Variants in PRUNE2 observed in about 807,000 individuals in gnomAD.
PRUNE2 encodes the protein prune homolog 2 with BCH domain, also known as protein prune homolog 2.
Under a neutral mutation model 252.0 loss-of-function variants are expected in PRUNE2, and 164 were observed. The observed-to-expected ratio is 0.65, with a 90% CI of 0.57 to 0.74. PRUNE2 has a LOEUF of 0.74. PRUNE2 is among the 30% of genes least tolerant of loss of function. The probability of loss-of-function intolerance (pLI) is 0.00; values close to 1 mark genes in which losing one functional copy is unlikely to be tolerated. For synonymous variants in PRUNE2, 1,292 were observed against 1,350.2 expected (o/e 0.96, Z 0.94); for missense variants, 3,495 against 3,711.0 (o/e 0.94, Z 1.51).
intron 9 of PRUNE2, chr9:76,687,639 C>T (rs755201269): frequency 1.2e-5 from 5 of 425,318 alleles, no homozygotes; most frequent in Admixed American, 1.0e-4. Flanking sequence ...GTTTGTTTCT[C>T]AGGCCATTCA....
At chr9:76,851,384 A>G (rs1260937836) in intron 2 of PRUNE2, among the ~76,000 whole-genome samples, 1 of 152,130 alleles carries the variant, frequency 6.6e-6, no homozygotes, top group African/African-American at 2.4e-5. Context: ...CATCTCTACT[A>G]AAAATACAAA....
chr9:76,815,263 A>G (rs1233105457), intron 6 of PRUNE2, among the ~76,000 whole-genome samples: 2 of 152,262 alleles, frequency 1.3e-5, no homozygotes, highest in African/African-American at 4.8e-5. Flanking sequence ...TAACTTCATG[A>G]TGGCTAAACC....
intron 6 of PRUNE2, among the ~76,000 whole-genome samples, chr9:76,766,655 A>G (rs556635181): frequency 1.2e-4 from 18 of 152,062 alleles, no homozygotes; most frequent in South Asian, 2.1e-4. Flanking sequence ...CTTCCCCCCA[A>G]TCACAGAGGT....
At chr9:76,764,995 A>G (rs1335740412) in intron 6 of PRUNE2, among the ~76,000 whole-genome samples, 1 of 152,228 alleles carries the variant, frequency 6.6e-6, no homozygotes, top group Non-Finnish European at 1.5e-5. Flanking sequence ...GAAAAAGTCA[A>G]AGGTTCTGTT....
chr9:76,614,101 G>C lies in PRUNE2; in HGVS notation c.*469C>G, dbSNP rs1191517985. ...GTGTGGTTTGTGGCTGTCCTAGTCA[G>C]GCTTAGGATTTTAAAGGTGGAGTCA... On this transcript the variant is annotated 3_prime_UTR_variant, in exon 19 of 19. Coordinates refer to ENST00000376718, the MANE Select transcript of PRUNE2 (RefSeq NM_015225.3). The C allele has an allele frequency of 6.3e-6, 1 of 157,780 alleles. No homozygotes were observed. The highest frequency in any genetic ancestry group is 2.4e-5 in the African/African-American group (1 of 41,480). The allele number at this position is 157,780 out of a possible 1,614,324, so 9.8% of individuals were successfully genotyped here.
chr9:76,754,186 C>G (rs2050895187), intron 6 of PRUNE2, among the ~76,000 whole-genome samples: 1 of 152,052 alleles, frequency 6.6e-6, no homozygotes, highest in African/African-American at 2.4e-5. Context: ...GAAAAGGATG[C>G]ACATGTGAGT....
At position 76,630,716 on chromosome 9, in the gene PRUNE2, C is replaced by T. The variant is rs111739255; in HGVS notation, c.9051-1426G>A. Among the ~76,000 whole-genome samples the T allele has an allele frequency of 1.2e-4, 18 of 152,070 alleles. 1 individual carries two copies. The highest frequency in any genetic ancestry group is 4.4e-5 in the Non-Finnish European group (3 of 68,016). On this transcript the variant is annotated intron_variant, in intron 15 of 18. Coordinates refer to ENST00000376718, the MANE Select transcript of PRUNE2 (RefSeq NM_015225.3). ...ATTTTTTGTATTTTTTTAGTAGAGA[C>T]AGGGTTTCACTGTGTTAGCCAGGAT... is the stretch of plus-strand genomic sequence containing the variant.
rs766410792 is a variant in PRUNE2, at chr9:76,710,406, G to A, written c.1868C>T (p.Thr623Ile). 1.1e-5 allele frequency: 18 copies of A among 1,613,874 alleles called. No homozygotes were observed. The South Asian group carries it at 1.8e-4, about 16-fold the overall frequency. Reference sequence around the variant, plus strand: ...TGTATAGAGTGAGGCTGGTTCTTCAGTGGATGGCGAGCTTTCTACTAAACT... The same window carrying A: ...TGTATAGAGTGAGGCTGGTTCTTCAATGGATGGCGAGCTTTCTACTAAACT... Reference protein sequence around the residue: ...MNSLVESSPSTEEPASLYTED... With the variant: ...MNSLVESSPSIEEPASLYTED... Residue 623 changes from threonine to isoleucine, a missense_variant, in exon 8 of 19, where the codon ACT becomes ATT. Transcript: ENST00000376718.
intron 6 of PRUNE2, among the ~76,000 whole-genome samples, chr9:76,805,224 G>A (rs143335791): frequency 6.6e-6 from 1 of 152,180 alleles, no homozygotes; most frequent in Non-Finnish European, 1.5e-5. Context: ...TGCAAGTGAG[G>A]CCACCCTGCA....
intron 9 of PRUNE2, among the ~76,000 whole-genome samples, chr9:76,670,711 A>C (rs867057250): frequency 7.3e-5 from 11 of 151,582 alleles, no homozygotes; most frequent in South Asian, 2.1e-4. Context: ...ATCTGAGAAC[A>C]GGCAGACTGC....
intron 6 of PRUNE2, among the ~76,000 whole-genome samples, chr9:76,807,674 G>A (rs2057064252): frequency 6.6e-6 from 1 of 152,168 alleles, no homozygotes. Flanking sequence ...GGACCAGTGT[G>A]ATGTTCATGG....
At chr9:76,635,792 A>C (rs1045038946) in intron 15 of PRUNE2, among the ~76,000 whole-genome samples, 1 of 152,234 alleles carries the variant, frequency 6.6e-6, no homozygotes, top group Non-Finnish European at 1.5e-5. Flanking sequence ...TATTGTTTTT[A>C]AAGCTATCTA....
In PRUNE2 at chr9:76,722,476, TAGAC is replaced by T. The variant is rs1407587287; in HGVS notation, c.757-8759_757-8756del. On this transcript the variant is annotated intron_variant, in intron 6 of 18. Coordinates refer to ENST00000376718, the MANE Select transcript of PRUNE2 (RefSeq NM_015225.3). ...AGACATCACATTTTGAAAAGAAAGT[TAGAC>T]AGTACATATTATCATTCTTTATAGC... Among the ~76,000 whole-genome samples the T allele has an allele frequency of 3.9e-5, 6 of 152,322 alleles. No homozygotes were observed. The East Asian group carries it at 7.7e-4, about 20-fold the overall frequency.
intron 6 of PRUNE2, among the ~76,000 whole-genome samples, chr9:76,743,761 C>T (rs2049863562): frequency 6.6e-6 from 1 of 152,120 alleles, no homozygotes; most frequent in Admixed American, 6.5e-5. Flanking sequence ...ATATTTATTT[C>T]CATAAGTATG....
Position 76,893,473 on chromosome 9 carries a change from T to C in PRUNE2, c.36+12455A>G, listed in dbSNP as rs115108249. Among the ~76,000 whole-genome samples, 1,187 of 152,246 alleles carry C rather than the reference T, an allele frequency of 7.8e-3. 20 individuals carry two copies. Among genetic ancestry groups the C allele is most frequent in the African/African-American group, 0.027 (1,107 of 41,536 alleles). ...GGGTCAGAGTGTACCCAGGGTGACA[T>C]GGTGATCAGGGTGGCTGAATATAAA... On this transcript the variant is annotated intron_variant, in intron 1 of 18. Transcript: ENST00000376718.
chr9:76,850,794 T>A, intron 2 of PRUNE2, 129 bp from the exon 3 acceptor site: 1 of 668,688 alleles, frequency 1.5e-6, no homozygotes. Context: ...CCACTTGGCA[T>A]TCATAATCAA....
chr9:76,754,978 A>AC (rs1019876232), intron 6 of PRUNE2, among the ~76,000 whole-genome samples: 7 of 147,758 alleles, frequency 4.7e-5, no homozygotes, highest in African/African-American at 1.8e-4. Context: ...AAAAAAAAAA[A>AC]AAAAAAAAAA....
intron 9 of PRUNE2, among the ~76,000 whole-genome samples, chr9:76,681,934 A>C (rs2043486368): frequency 2.0e-5 from 3 of 152,234 alleles, no homozygotes; most frequent in Admixed American, 2.0e-4. Context: ...AATTTTAAGT[A>C]AAGTCCAAAT....
chr9:76,863,154 T>C (rs2060647029), intron 1 of PRUNE2: 1 of 152,186 alleles, frequency 6.6e-6, no homozygotes. Flanking sequence ...CAGAAGATAA[T>C]TTTTGTATCT....
Sources: allele counts gnomAD v4.1 joint callset (sites outside exome capture counted in the v4.1 genomes callset), GRCh38; gene constraint gnomAD v4.1.1; transcripts MANE v1.5; gene names NCBI Gene and HGNC (gene_info 2026-07-23, HGNC 2026-07-21).